ATM: variants seen among roughly 807,000 people sequenced by gnomAD.
The protein encoded by ATM is serine-protein kinase ATM.
A neutral mutation model predicts 387.0 loss-of-function variants in ATM; 308 were observed. The ratio of observed to expected loss-of-function variants is 0.80; its 90% CI spans 0.73 to 0.87. The LOEUF (loss-of-function observed/expected upper bound fraction) is 0.87, where lower values mean the gene tolerates loss of function less well. ATM is among the 40% of genes least tolerant of loss of function. ATM has a pLI of 0.00. For synonymous variants in ATM, 1,156 were observed against 1,187.3 expected (o/e 0.97, Z 0.54); for missense variants, 3,312 against 3,560.9 (o/e 0.93, Z 1.78).
Position 108,290,059 on chromosome 11 carries a change from A to G in ATM, c.4436+258A>G, listed in dbSNP as rs2082702430. 5 of 371,868 alleles carry G rather than the reference A, an allele frequency of 1.3e-5. No homozygotes were observed. The South Asian group carries it at 1.6e-4, about 12-fold the overall frequency. 23.0% of individuals were successfully genotyped at this position (371,868 alleles called of 1,614,324 possible). A position where few individuals can be genotyped will look rare whatever the true frequency, so the allele number is the denominator to read the frequency against. On this transcript the variant is annotated intron_variant, in intron 29 of 62. Coordinates refer to ENST00000675843, the MANE Select transcript of ATM (RefSeq NM_000051.4). ...TTTTTTGTAGAGGTGGGGTTTCACCATATTGCCCAGGGTGGTCTCAAACTC... is the reference window on the plus strand; with the variant it reads ...TTTTTTGTAGAGGTGGGGTTTCACCGTATTGCCCAGGGTGGTCTCAAACTC...
chr11:108,304,159 C>T (rs2135938663), intron 36 of ATM, among the ~76,000 whole-genome samples: 1 of 152,226 alleles, frequency 6.6e-6, no homozygotes, highest in East Asian at 1.9e-4. Context: ...CAAATAATTA[C>T]CCAAATTTTA....
chr11:108,279,488 AAGATTGTTCCAGGACACGAAGGG>A lies in ATM; in HGVS notation c.3288_3310del (p.Leu1096PhefsTer18). 1 of 1,596,446 alleles carries A rather than the reference AAGATTGTTCCAGGACACGAAGGG, an allele frequency of 6.3e-7. No homozygotes were observed. Among genetic ancestry groups the A allele is most frequent in the South Asian group, 1.1e-5 (1 of 89,938 alleles). On this transcript the variant is annotated splice_acceptor_variant and coding_sequence_variant, in exon 23 of 63. Coordinates refer to ENST00000675843, the MANE Select transcript of ATM (RefSeq NM_000051.4). LOFTEE classifies it high-confidence loss of function. Reference sequence around the variant, plus strand: ...GTTTGTTTGTTTGCTTGCTTGTTTTAAGATTGTTCCAGGACACGAAGGGAGATTCTTCCAGGTTACTGAAAGCA... The same window carrying A: ...GTTTGTTTGTTTGCTTGCTTGTTTTAAGATTCTTCCAGGTTACTGAAAGCA...
At chr11:108,362,685 A>G (rs917672961) in intron 61 of ATM, among the ~76,000 whole-genome samples, 7 of 148,810 alleles carry the variant, frequency 4.7e-5, no homozygotes, top group African/African-American at 1.7e-4. Context: ...CATTCTCAGT[A>G]AACTATCGCA....
chr11:108,250,175 C>T (rs746261337), intron 9 of ATM, among the ~76,000 whole-genome samples: 1 of 150,672 alleles, frequency 6.6e-6, no homozygotes, highest in African/African-American at 2.4e-5. Flanking sequence ...TTTTCTGAGA[C>T]GGAGGCTCAC....
chr11:108,325,633 C>T, intron 46 of ATM, 89 bp downstream of exon 46: 1 of 1,113,014 alleles, frequency 9.0e-7, no homozygotes. Flanking sequence ...AAAGAAATGT[C>T]ATTAAGAGAT....
At chr11:108,340,871 C>T (rs548024063) in intron 56 of ATM, among the ~76,000 whole-genome samples, 32 of 152,202 alleles carry the variant, frequency 2.1e-4, no homozygotes, top group African/African-American at 7.7e-4. Context: ...AGTGTAAATG[C>T]TGTGTAAATA....
At position 108,279,647 on chromosome 11, in the gene ATM, T is replaced by C. The variant is rs373402943; in HGVS notation, c.3402+39T>C. 302 of 1,416,898 alleles carry C rather than the reference T, an allele frequency of 2.1e-4. No individual in the cohort carries two copies. Among genetic ancestry groups the C allele is most frequent in the Non-Finnish European group, 2.9e-4 (290 of 1,001,968 alleles). The allele number at this position is 1,416,898 out of a possible 1,614,324, so 87.8% of individuals were successfully genotyped here. A position where few individuals can be genotyped will look rare whatever the true frequency, so the allele number is the denominator to read the frequency against. On this transcript the variant is annotated intron_variant, in intron 23 of 62. Transcript: ENST00000675843. ...ACATGTATTTGCTGTTATCATATGC[T>C]TGCTATGAATATCCCATAAATTACT...
At position 108,301,669 on chromosome 11, in the gene ATM, T is replaced by C. The variant is rs761946128; in HGVS notation, c.5199T>C (p.Ala1733=). ...TCAGTGTCAAAGTTCGATCAGCAGC[T>C]GTTACCTGTTTGAAAAACATTTTAG... The part of the protein sequence containing the change: ...VEDCVKVRSA[A]VTCLKNILAT... Residue 1733 remains alanine (A), a synonymous_variant, in exon 35 of 63, where the codon GCT becomes GCC. Coordinates refer to ENST00000675843, the MANE Select transcript of ATM (RefSeq NM_000051.4). The C allele has an allele frequency of 6.2e-7, 1 of 1,613,760 alleles. No homozygotes were observed. Among genetic ancestry groups the C allele is most frequent in the East Asian group, 2.2e-5 (1 of 44,790 alleles).
At chr11:108,355,155 A>G in intron 61 of ATM, 1 of 420,468 alleles carries the variant, frequency 2.4e-6, no homozygotes, top group South Asian at 2.7e-5. Context: ...TAGATATTCC[A>G]TATGGTATTA....
chr11:108,304,554 G>A, intron 36 of ATM, 121 bp from the exon 37 acceptor site: 1 of 1,044,864 alleles, frequency 9.6e-7, no homozygotes, highest in Non-Finnish European at 1.4e-6. Flanking sequence ...GTTTATGGCA[G>A]ATTAATCTAT....
intron 5 of ATM, among the ~76,000 whole-genome samples, chr11:108,240,793 G>A (rs1312316738): frequency 6.6e-6 from 1 of 152,092 alleles, no homozygotes; most frequent in East Asian, 1.9e-4. Context: ...TACTACTGTA[G>A]AATTTGTAAA....
Position 108,251,895 on chromosome 11 carries a change from A to G in ATM, c.1666A>G (p.Lys556Glu). Residue 556 changes from lysine to glutamate, a missense_variant, in exon 11 of 63, where the codon AAA (lysine) becomes GAA (glutamate). Physicochemically the swap from Lys to Glu is moderately conservative, Grantham distance 56 (BLOSUM62 1). Transcript: ENST00000675843. ...CACCAGTATAGTTCCAGGAACGGTAAAAATGGGAATAGAGCAAAATATGTG... is the reference window on the plus strand; with the variant it reads ...CACCAGTATAGTTCCAGGAACGGTAGAAATGGGAATAGAGCAAAATATGTG... ...LTTSIVPGTV[K>E]MGIEQNMCEV... is the part of the protein sequence containing the mutation. 2 of 1,613,956 alleles carry G rather than the reference A, an allele frequency of 1.2e-6. No homozygotes were observed. The highest frequency in any genetic ancestry group is 1.7e-6 in the Non-Finnish European group (2 of 1,179,864).
chr11:108,333,811 CTG>C, intron 53 of ATM, 73 bp from the exon 54 acceptor site: 1 of 1,182,786 alleles, frequency 8.5e-7, no homozygotes, highest in Admixed American at 1.7e-5. Context: ...CCAGTGGTAT[CTG>C]CTGACTATTC....
chr11:108,253,657 A>C (rs2080278260), intron 12 of ATM, among the ~76,000 whole-genome samples, 157 bp from the exon 13 acceptor site: 3 of 152,154 alleles, frequency 2.0e-5, no homozygotes, highest in Admixed American at 1.3e-4. Flanking sequence ...AGTCCGAAGA[A>C]GAGAAGCATT....
intron 8 of ATM, among the ~76,000 whole-genome samples, chr11:108,248,175 C>G (rs544496808): frequency 6.6e-6 from 1 of 152,218 alleles, no homozygotes; most frequent in Non-Finnish European, 1.5e-5. Flanking sequence ...GGATATACTC[C>G]ATTTTACTTA....
intron 59 of ATM, 55 bp downstream of exon 59, chr11:108,347,420 G>T (rs2137091050): frequency 1.4e-6 from 2 of 1,396,824 alleles, no homozygotes; most frequent in Non-Finnish European, 2.0e-6. Context: ...GGTCATCATG[G>T]AATGTTGTTT....
At chr11:108,327,160 G>GTA (rs1233253790) in intron 47 of ATM, among the ~76,000 whole-genome samples, 1 of 152,130 alleles carries the variant, frequency 6.6e-6, no homozygotes, top group East Asian at 1.9e-4. Flanking sequence ...GGCACTCATT[G>GTA]TATAGCATCT....
chr11:108,257,962 C>T (rs577003463), intron 15 of ATM, among the ~76,000 whole-genome samples: 5 of 152,114 alleles, frequency 3.3e-5, no homozygotes, highest in Admixed American at 2.0e-4. Flanking sequence ...GCCTCGACCT[C>T]CTGGGCTCAC....
chr11:108,289,950 T>C, intron 29 of ATM, 149 bp downstream of exon 29: 1 of 675,342 alleles, frequency 1.5e-6, no homozygotes, highest in South Asian at 1.9e-5. Context: ...CTCAACCTCC[T>C]GGGTTCAGAT....
Sources: allele counts gnomAD v4.1 joint callset (sites outside exome capture counted in the v4.1 genomes callset), GRCh38; gene constraint gnomAD v4.1.1; transcripts MANE v1.5; gene names NCBI Gene and HGNC (gene_info 2026-07-23, HGNC 2026-07-21).